PM20D2: variants seen among roughly 807,000 people sequenced by gnomAD.
PM20D2 encodes peptidase M20 domain containing 2.
Under a neutral mutation model 42.9 loss-of-function variants are expected in PM20D2, and 33 were observed. The observed-to-expected ratio is 0.77, with a 90% CI of 0.58 to 1.03. PM20D2 has a LOEUF of 1.03. PM20D2 is among the 50% of genes least tolerant of loss of function. The pLI, the probability that PM20D2 is intolerant of heterozygous loss-of-function variation, is 0.00. For synonymous variants in PM20D2, 250 were observed against 228.2 expected (o/e 1.10, Z -0.86); for missense variants, 548 against 557.0 (o/e 0.98, Z 0.16).
chr6:89,135,119 C>T, the PM20D2 span, among the ~76,000 whole-genome samples: 1 of 150,916 alleles, frequency 6.6e-6, no homozygotes, highest in Non-Finnish European at 1.5e-5. Context: ...ACAACTATTG[C>T]TACAGATAAG....
At chr6:89,099,413 T>TATACAC in the PM20D2 span, among the ~76,000 whole-genome samples, 867 of 139,962 alleles carry the variant, frequency 6.2e-3, 21 homozygotes, top group African/African-American at 0.022. Flanking sequence ...CATATATATA[T>TATACAC]ACATATATAT....
At chr6:89,122,752 A>G in the PM20D2 span, among the ~76,000 whole-genome samples, 1 of 152,228 alleles carries the variant, frequency 6.6e-6, no homozygotes, top group Admixed American at 6.5e-5. Context: ...TGAAGTCAAC[A>G]GAGAATATCA....
At chr6:89,106,923 T>C in the PM20D2 span, 4 of 556,142 alleles carry the variant, frequency 7.2e-6, no homozygotes, top group African/African-American at 3.7e-5. Context: ...GCTTGAACTT[T>C]AGGTGCCTTT....
intron 2 of PM20D2, among the ~76,000 whole-genome samples, chr6:89,150,740 G>A (rs7740501): frequency 0.019 from 2,877 of 151,220 alleles, 40 homozygotes; most frequent in African/African-American, 0.027. Context: ...GGGTTTCACC[G>A]TATTGGTCAG....
At position 89,146,526 on chromosome 6, in the gene PM20D2, C is replaced by T. The variant is rs1048301046; in HGVS notation, c.382C>T (p.Leu128Phe). The T allele has an allele frequency of 6.6e-6, 10 of 1,512,342 alleles. No individual in the cohort carries two copies. Among genetic ancestry groups the T allele is most frequent in the Admixed American group, 2.0e-5 (1 of 49,020 alleles). 93.7% of individuals were successfully genotyped at this position (1,512,342 alleles called of 1,614,324 possible). The change falls in exon 1 of 7, where the codon CTC (leucine) becomes TTC (phenylalanine). Residue 128 changes from leucine (L) to phenylalanine (F), a missense_variant. Coordinates refer to ENST00000275072, the MANE Select transcript of PM20D2 (RefSeq NM_001010853.3). ...CATCGGCCACGCCTGCGGCCACAACCTCATCGCTGAGGTCGGGGCGGCGGC... is the reference window on the plus strand; with the variant it reads ...CATCGGCCACGCCTGCGGCCACAACTTCATCGCTGAGGTCGGGGCGGCGGC... ...PGIGHACGHNLIAEVGAAAAL... is the reference protein window; with the variant it reads ...PGIGHACGHNFIAEVGAAAAL...
At chr6:89,110,231 T>C in the PM20D2 span, among the ~76,000 whole-genome samples, 1 of 152,152 alleles carries the variant, frequency 6.6e-6, no homozygotes, top group Non-Finnish European at 1.5e-5. Flanking sequence ...TAACAAAGAA[T>C]TGGACAAAAT....
At chr6:89,152,836 T>G (rs1292906898) in intron 2 of PM20D2, among the ~76,000 whole-genome samples, 1 of 152,190 alleles carries the variant, frequency 6.6e-6, no homozygotes, top group African/African-American at 2.4e-5. Flanking sequence ...TTGGGAATGC[T>G]TTCTTTGTGT....
chr6:89,103,055 C>T, the PM20D2 span, among the ~76,000 whole-genome samples: 10 of 152,318 alleles, frequency 6.6e-5, no homozygotes, highest in East Asian at 1.7e-3. Context: ...TGAGCCACTG[C>T]ACCTGGCCAT....
At chr6:89,115,111 T>C in the PM20D2 span, among the ~76,000 whole-genome samples, 2 of 151,634 alleles carry the variant, frequency 1.3e-5, no homozygotes, top group African/African-American at 2.4e-5. Flanking sequence ...TTTTATTTTT[T>C]TAGACTCTCT....
chr6:89,130,996 C>T, the PM20D2 span, among the ~76,000 whole-genome samples: 2 of 151,756 alleles, frequency 1.3e-5, no homozygotes, highest in Non-Finnish European at 2.9e-5. Flanking sequence ...AACCACTATG[C>T]CTGGCCTATT....
chr6:89,108,144 TCTAGTGCGATTAGGTGCTTCAG>T, the PM20D2 span, among the ~76,000 whole-genome samples: 1 of 152,164 alleles, frequency 6.6e-6, no homozygotes, highest in African/African-American at 2.4e-5. Flanking sequence ...TTATGTGCCT[TCTAGTGCGATTAGGTGCTTCAG>T]AAGGGGTACC....
the PM20D2 span, among the ~76,000 whole-genome samples, chr6:89,108,883 T>C: frequency 2.0e-5 from 3 of 152,184 alleles, no homozygotes; most frequent in Non-Finnish European, 2.9e-5. Context: ...TCAACAAAAA[T>C]TGACTAAGCA....
At chr6:89,130,819 C>CTTCTTTTTTTTTTTTT in the PM20D2 span, among the ~76,000 whole-genome samples, 3 of 24,054 alleles carry the variant, frequency 1.2e-4, no homozygotes, top group African/African-American at 4.3e-4. Flanking sequence ...GCTTCTTCTT[C>CTTCTTTTTTTTTTTTT]TTTTTTTTTT....
intron 4 of PM20D2, among the ~76,000 whole-genome samples, chr6:89,155,212 A>G (rs565103397): frequency 2.1e-5 from 3 of 141,150 alleles, no homozygotes; most frequent in African/African-American, 5.2e-5. Context: ...TAGAATTGCT[A>G]TATGTAGTTT....
At chr6:89,100,258 T>TGA in the PM20D2 span, among the ~76,000 whole-genome samples, 19 of 152,182 alleles carry the variant, frequency 1.2e-4, no homozygotes, top group Admixed American at 7.2e-4. Flanking sequence ...CACACAGTGC[T>TGA]GAGAGAGAGA....
the PM20D2 span, among the ~76,000 whole-genome samples, chr6:89,129,346 A>T: frequency 6.6e-6 from 1 of 152,128 alleles, no homozygotes; most frequent in Admixed American, 6.5e-5. Context: ...TGTTGAGCAA[A>T]AGAAGCCAGA....
chr6:89,111,477 A>G, the PM20D2 span, among the ~76,000 whole-genome samples: 1 of 152,168 alleles, frequency 6.6e-6, no homozygotes, highest in African/African-American at 2.4e-5. Flanking sequence ...AATATATAGA[A>G]ATAAAGTTTT....
chr6:89,101,136 A>C, the PM20D2 span, among the ~76,000 whole-genome samples: 1 of 151,658 alleles, frequency 6.6e-6, no homozygotes, highest in Non-Finnish European at 1.5e-5. Context: ...GAAAAGAAAT[A>C]GTTAACTAAA....
intron 6 of PM20D2, 45 bp from the exon 7 acceptor site, chr6:89,162,064 C>A: frequency 1.9e-6 from 3 of 1,584,320 alleles, no homozygotes; most frequent in Admixed American, 1.8e-5. Context: ...AAATTAAATA[C>A]AGCTTAAATA....
Sources: gnomAD v4.1 joint callset for allele counts (sites outside exome capture counted in the v4.1 genomes callset) on GRCh38, gnomAD v4.1.1 for gene constraint, MANE v1.5 for transcripts, NCBI Gene and HGNC (gene_info 2026-07-23, HGNC 2026-07-21) for gene names.